The following EPN2 variants were observed in gnomAD, a reference collection of about 807,000 sequenced individuals.
EPN2 encodes the protein epsin 2.
Under a neutral mutation model 61.7 loss-of-function variants are expected in EPN2, and 34 were observed. That is an observed-to-expected ratio of 0.55 (90% CI 0.42 to 0.73). The LOEUF (loss-of-function observed/expected upper bound fraction) is 0.73. EPN2 is among the 30% of genes least tolerant of loss of function. EPN2 has a pLI of 0.00. For synonymous variants in EPN2, 349 were observed against 353.6 expected (o/e 0.99, Z 0.15); for missense variants, 714 against 839.2 (o/e 0.85, Z 1.84).
At chr17:19,293,788 T>A (rs1415946557) in intron 4 of EPN2, among the ~76,000 whole-genome samples, 8 of 151,906 alleles carry the variant, frequency 5.3e-5, no homozygotes, top group Non-Finnish European at 8.8e-5. Flanking sequence ...GTTCTCAGAA[T>A]TGAAACAGTG....
rs1038048570 is a variant in EPN2, at chr17:19,298,745, C to T, written c.767-11140C>T. On this transcript the variant is annotated intron_variant, in intron 4 of 10. Coordinates refer to ENST00000314728, the MANE Select transcript of EPN2 (RefSeq NM_014964.5). ...GAGAAGTTGTAACTTGTAAAATGGACGTAACCATAGTGCTTCTCTCCCGGG... is the reference window on the plus strand; with the variant it reads ...GAGAAGTTGTAACTTGTAAAATGGATGTAACCATAGTGCTTCTCTCCCGGG... 2.0e-5 allele frequency among the ~76,000 whole-genome samples: 3 copies of T among 152,164 alleles called. No individual in the cohort carries two copies. In the East Asian group the frequency reaches 5.8e-4, roughly 29 times the overall value.
chr17:19,316,507 G>A (rs915315157), intron 7 of EPN2, among the ~76,000 whole-genome samples: 4 of 152,242 alleles, frequency 2.6e-5, no homozygotes, highest in African/African-American at 7.2e-5. Context: ...CTGGACTGCT[G>A]CAAGGCCCTT....
At chr17:19,275,449 T>TG (rs1322817636) in intron 1 of EPN2, among the ~76,000 whole-genome samples, 2 of 152,216 alleles carry the variant, frequency 1.3e-5, no homozygotes, top group Non-Finnish European at 2.9e-5. Context: ...CTTGGCTTCT[T>TG]GCTTTCTTCT....
chr17:19,272,049 T>C (rs2045259755), intron 1 of EPN2, among the ~76,000 whole-genome samples: 1 of 152,188 alleles, frequency 6.6e-6, no homozygotes, highest in Non-Finnish European at 1.5e-5. Flanking sequence ...GCTCTGCATG[T>C]TTTTCAGATG....
rs58087532 is a variant in EPN2, at chr17:19,289,724, GTT to G, written c.766+3953_766+3954del. Among the ~76,000 whole-genome samples the G allele has an allele frequency of 2.8e-3, 219 of 78,040 alleles. 4 individuals carry two copies. The highest frequency in any genetic ancestry group is 6.7e-3 in the African/African-American group (141 of 20,902). The allele number at this position is 78,040 out of a possible 152,430, so 51.2% of individuals were successfully genotyped here. The stretch of plus-strand genomic sequence containing the variant: ...TGTTCGGCCTCACCTGGCGCTCATG[GTT>G]TTTTTTTTTTTTTTTTTTGAGATGG... On this transcript the variant is annotated intron_variant, in intron 4 of 10. Transcript: ENST00000314728.
Position 19,335,538 on chromosome 17 carries a change from G to A in EPN2, c.*1284G>A. 1 of 1,493,550 alleles carries A rather than the reference G, an allele frequency of 6.7e-7. No individual in the cohort carries two copies. Among genetic ancestry groups the A allele is most frequent in the Non-Finnish European group, 9.1e-7 (1 of 1,104,432 alleles). The allele number at this position is 1,493,550 out of a possible 1,614,324, so 92.5% of individuals were successfully genotyped here. A position where few individuals can be genotyped will look rare whatever the true frequency, so the allele number is the denominator to read the frequency against. On this transcript the variant is annotated 3_prime_UTR_variant, in exon 11 of 11. Coordinates refer to ENST00000314728, the MANE Select transcript of EPN2 (RefSeq NM_014964.5). ...TAAAGATGGGGATAATGTGGAAATG[G>A]CAGTTGTCCCGAGGGCGTGGGGTGG... is the stretch of plus-strand genomic sequence containing the variant.
chr17:19,305,165 A>C, intron 4 of EPN2, among the ~76,000 whole-genome samples: 1 of 145,384 alleles, frequency 6.9e-6, no homozygotes, highest in Admixed American at 7.4e-5. Flanking sequence ...TCTGTTGCCC[A>C]GGCTGGAGTG....
rs1441711834 is a variant in EPN2, at chr17:19,334,134, G to GT, written c.1806_1807insT (p.Gly603TrpfsTer72). 1 of 1,605,466 alleles carries GT rather than the reference G, an allele frequency of 6.2e-7. No homozygotes were observed. Among genetic ancestry groups the GT allele is most frequent in the South Asian group, 1.1e-5 (1 of 89,298 alleles). ...CCTCCGCGGCCCCACAGCCAGCTCTGGGGGCCACTGGTTCCTCTCTGACAC... is the reference window on the plus strand; with the variant it reads ...CCTCCGCGGCCCCACAGCCAGCTCTGTGGGGCCACTGGTTCCTCTCTGACAC... On this transcript the variant is annotated frameshift_variant, in exon 11 of 11. Transcript: ENST00000314728. LOFTEE classifies it high-confidence loss of function. This position sits in a 1 kb window ranked among gnomAD's most constrained non-coding sequence, Gnocchi z 4.9.
intron 4 of EPN2, chr17:19,296,900 T>G (rs953790359): frequency 6.6e-6 from 1 of 152,306 alleles, no homozygotes; most frequent in Non-Finnish European, 1.5e-5. Context: ...TGAGCCATCA[T>G]GCCTGGCCAC....
chr17:19,300,272 T>G (rs1905418327), intron 4 of EPN2, among the ~76,000 whole-genome samples: 1 of 152,162 alleles, frequency 6.6e-6, no homozygotes, highest in Non-Finnish European at 1.5e-5. Context: ...CCCACGCCAT[T>G]AGCCCCCAGA....
chr17:19,328,696 C>A lies in EPN2; in HGVS notation c.1148-15C>A, dbSNP rs1222009156. The A allele has an allele frequency of 1.3e-6, 2 of 1,593,532 alleles. No homozygotes were observed. The highest frequency in any genetic ancestry group is 2.3e-5 in the South Asian group (2 of 88,186). Reference sequence around the variant, plus strand: ...TCTGAAGGCATTTCTGAGCCCTGACCCTGCCTTCCAACAGGTACCAAGCCA... The same window carrying A: ...TCTGAAGGCATTTCTGAGCCCTGACACTGCCTTCCAACAGGTACCAAGCCA... On this transcript the variant is annotated splice_polypyrimidine_tract_variant and intron_variant, in intron 7 of 10. Transcript: ENST00000314728.
At chr17:19,323,534 G>A (rs1266541903) in intron 7 of EPN2, among the ~76,000 whole-genome samples, 1 of 152,152 alleles carries the variant, frequency 6.6e-6, no homozygotes, top group Non-Finnish European at 1.5e-5. Context: ...ACCAGAGGAA[G>A]AAAATACCTT....
intron 1 of EPN2, chr17:19,273,264 T>C (rs2045273348): frequency 6.6e-6 from 1 of 151,786 alleles, no homozygotes; most frequent in African/African-American, 2.4e-5. Context: ...CTGCTCAGCC[T>C]TTTTTTTAGA....
At chr17:19,261,011 G>A (rs895517013) in intron 1 of EPN2, among the ~76,000 whole-genome samples, 3 of 152,192 alleles carry the variant, frequency 2.0e-5, no homozygotes, top group Non-Finnish European at 2.9e-5. Flanking sequence ...TCACCCCTGA[G>A]GAAAGGCACC....
At chr17:19,252,785 G>A (rs982160549) in intron 1 of EPN2, among the ~76,000 whole-genome samples, 1 of 152,208 alleles carries the variant, frequency 6.6e-6, no homozygotes, top group Non-Finnish European at 1.5e-5. Context: ...CGCCTCCTGG[G>A]CTCAAGCCAT....
intron 8 of EPN2, 65 bp downstream of exon 8, chr17:19,328,952 C>A: frequency 6.9e-7 from 1 of 1,450,324 alleles, no homozygotes; most frequent in Non-Finnish European, 9.5e-7. Context: ...TGCAGCCGCT[C>A]CTGGCTCCTA....
At chr17:19,324,438 A>G (rs903918624) in intron 7 of EPN2, among the ~76,000 whole-genome samples, 2 of 152,174 alleles carry the variant, frequency 1.3e-5, no homozygotes, top group African/African-American at 4.8e-5. Context: ...GGTTCAAGCA[A>G]TTCTCCTGCC....
chr17:19,287,228 G>A (rs1027846733), intron 4 of EPN2, among the ~76,000 whole-genome samples: 3 of 151,830 alleles, frequency 2.0e-5, no homozygotes, highest in African/African-American at 7.3e-5. Context: ...CTTGGATATC[G>A]CTCCCACCAC....
At chr17:19,317,417 A>G (rs570644237) in intron 7 of EPN2, among the ~76,000 whole-genome samples, 11 of 152,294 alleles carry the variant, frequency 7.2e-5, no homozygotes, top group Non-Finnish European at 1.2e-4. Flanking sequence ...CTGGGCTGGG[A>G]CAGAGGCTGT....
Sources: allele counts gnomAD v4.1 joint callset (sites outside exome capture counted in the v4.1 genomes callset), GRCh38; gene constraint gnomAD v4.1.1; non-coding constraint Gnocchi (gnomAD v3.1); transcripts MANE v1.5; gene names NCBI Gene and HGNC (gene_info 2026-07-23, HGNC 2026-07-21).